The following NRXN1 variants were observed in gnomAD, a reference collection of about 807,000 sequenced individuals.
NRXN1 encodes the protein neurexin-1.
NRXN1 carries 39 observed loss-of-function variants against 150.9 expected under a neutral mutation model. The ratio of observed to expected loss-of-function variants is 0.26; its 90% CI spans 0.20 to 0.34. The LOEUF (loss-of-function observed/expected upper bound fraction) is 0.34, where lower values mean the gene tolerates loss of function less well. NRXN1 is among the 10% of genes least tolerant of loss of function. NRXN1 has a pLI of 1.00. For missense variants in NRXN1, 1,815 were observed against 1,949.9 expected (o/e 0.93, Z 1.30); for synonymous variants, 924 against 757.0 (o/e 1.22, Z -3.62).
chr2:50,578,079 G>C (rs989381153), intron 8 of NRXN1, among the ~76,000 whole-genome samples: 2 of 152,016 alleles, frequency 1.3e-5, no homozygotes, highest in African/African-American at 4.8e-5. Context: ...CTACAATTTG[G>C]TACTGCTCAT....
At chr2:50,340,297 G>A (rs956079637) in intron 17 of NRXN1, among the ~76,000 whole-genome samples, 26 of 152,148 alleles carry the variant, frequency 1.7e-4, no homozygotes, top group African/African-American at 5.8e-4. Context: ...TTTTGTGAGA[G>A]AATGGAATAT....
At chr2:50,166,279 ATG>A (rs70946894) in intron 18 of NRXN1, among the ~76,000 whole-genome samples, 20,537 of 131,670 alleles carry the variant, frequency 0.16, 984 homozygotes, top group South Asian at 0.21. Context: ...TACTCAACGT[ATG>A]TGTGTGTGTG....
At chr2:50,251,273 C>T (rs569819611) in intron 17 of NRXN1, among the ~76,000 whole-genome samples, 1 of 152,072 alleles carries the variant, frequency 6.6e-6, no homozygotes, top group African/African-American at 2.4e-5. Context: ...TAACTGAGAA[C>T]GTGCACTGTT....
At chr2:50,913,899 A>C (rs1344231545) in intron 5 of NRXN1, among the ~76,000 whole-genome samples, 2 of 151,782 alleles carry the variant, frequency 1.3e-5, no homozygotes, top group Non-Finnish European at 2.9e-5. Context: ...CCGTGAAAAC[A>C]ACCATTCTGA....
At chr2:49,950,005 A>C (rs1378024617) in intron 21 of NRXN1, among the ~76,000 whole-genome samples, 1 of 151,814 alleles carries the variant, frequency 6.6e-6, no homozygotes, top group East Asian at 1.9e-4. Flanking sequence ...AAAAAATTTT[A>C]ACAGGATTCA....
At chr2:50,229,646 A>T (rs2064752986) in intron 18 of NRXN1, among the ~76,000 whole-genome samples, 1 of 152,054 alleles carries the variant, frequency 6.6e-6, no homozygotes, top group Non-Finnish European at 1.5e-5. Context: ...AATAACTAAG[A>T]TGCTCCTGGA....
At chr2:50,862,241 A>G (rs185186649) in intron 5 of NRXN1, among the ~76,000 whole-genome samples, 25 of 152,156 alleles carry the variant, frequency 1.6e-4, no homozygotes, top group Admixed American at 1.5e-3. Context: ...TATAGTAGGA[A>G]TCAGTTGCAG....
chr2:50,548,625 A>C (rs2093546945), intron 9 of NRXN1, among the ~76,000 whole-genome samples: 1 of 152,076 alleles, frequency 6.6e-6, no homozygotes, highest in South Asian at 2.1e-4. Flanking sequence ...CCAAATATAT[A>C]CTGAACAACT....
chr2:49,987,429 T>A (rs1681118896), intron 21 of NRXN1, among the ~76,000 whole-genome samples: 1 of 152,174 alleles, frequency 6.6e-6, no homozygotes. Flanking sequence ...TTATTTATTA[T>A]TTTTTGTGTC....
At chr2:50,518,848 T>C (rs1427775695) in intron 12 of NRXN1, among the ~76,000 whole-genome samples, 1 of 151,926 alleles carries the variant, frequency 6.6e-6, no homozygotes, top group Non-Finnish European at 1.5e-5. Context: ...AAAATTTAGT[T>C]CATCCTCAGT....
At chr2:50,827,039 A>G (rs910081368) in intron 5 of NRXN1, among the ~76,000 whole-genome samples, 5 of 152,172 alleles carry the variant, frequency 3.3e-5, no homozygotes, top group African/African-American at 4.8e-5. Context: ...CACAGCAGAA[A>G]GTGTTTGAAG....
At chr2:50,769,567 T>G (rs1260972805) in intron 5 of NRXN1, among the ~76,000 whole-genome samples, 2 of 152,066 alleles carry the variant, frequency 1.3e-5, no homozygotes, top group Non-Finnish European at 2.9e-5. Flanking sequence ...CTCTGCAGAA[T>G]GAGATTCTAG....
At chr2:50,244,277 T>C (rs1299694041) in intron 17 of NRXN1, among the ~76,000 whole-genome samples, 1 of 151,838 alleles carries the variant, frequency 6.6e-6, no homozygotes, top group African/African-American at 2.4e-5. Context: ...GGCTGACCTA[T>C]CTTGTCAATA....
At chr2:50,322,602 A>G (rs1454021237) in intron 17 of NRXN1, among the ~76,000 whole-genome samples, 2 of 152,220 alleles carry the variant, frequency 1.3e-5, no homozygotes, top group Admixed American at 6.5e-5. Context: ...GGATGAGTAG[A>G]GACAGAATAT....
At chr2:50,184,776 G>A (rs1322672853) in intron 18 of NRXN1, among the ~76,000 whole-genome samples, 6 of 151,874 alleles carry the variant, frequency 4.0e-5, no homozygotes, top group African/African-American at 1.5e-4. Flanking sequence ...CTTGATAATT[G>A]TAGAAATATT....
At chr2:50,345,430 G>A (rs987789485) in intron 17 of NRXN1, among the ~76,000 whole-genome samples, 1 of 152,130 alleles carries the variant, frequency 6.6e-6, no homozygotes, top group Non-Finnish European at 1.5e-5. Flanking sequence ...ATAAGGAGTG[G>A]GGCAAAGGAT....
chr2:50,169,521 TG>T (rs1236226943), intron 18 of NRXN1, among the ~76,000 whole-genome samples: 5 of 152,082 alleles, frequency 3.3e-5, no homozygotes, highest in Non-Finnish European at 4.4e-5. Context: ...GAGACCAGTC[TG>T]GCCAACACAG....
intron 2 of NRXN1, among the ~76,000 whole-genome samples, chr2:51,005,592 T>A: frequency 6.6e-6 from 1 of 151,712 alleles, no homozygotes; most frequent in Admixed American, 6.6e-5. Context: ...ATTACCAACA[T>A]GAAAACATGC....
chr2:50,488,575 T>C (rs938296211), intron 15 of NRXN1, among the ~76,000 whole-genome samples: 2 of 152,158 alleles, frequency 1.3e-5, no homozygotes, highest in African/African-American at 4.8e-5. Flanking sequence ...TGAGTACGCC[T>C]TTTATGGAGC....
Sources: gnomAD v4.1 joint callset for allele counts (sites outside exome capture counted in the v4.1 genomes callset) on GRCh38, gnomAD v4.1.1 for gene constraint, MANE v1.5 for transcripts, NCBI Gene and HGNC (gene_info 2026-07-23, HGNC 2026-07-21) for gene names.